RBM33: variants seen among roughly 807,000 people sequenced by gnomAD.
RBM33 encodes the protein RNA-binding protein 33.
RBM33 carries 28 observed loss-of-function variants against 132.6 expected under a neutral mutation model. The observed-to-expected ratio is 0.21, with a 90% CI of 0.16 to 0.29. The LOEUF (loss-of-function observed/expected upper bound fraction) is 0.29. Among genes scored for constraint, RBM33 ranks in the 10% least tolerant of loss-of-function variants. The pLI, the probability that RBM33 is intolerant of heterozygous loss-of-function variation, is 1.00. For missense variants in RBM33, 1,291 were observed against 1,518.5 expected, an observed-to-expected ratio of 0.85 and a Z score of 2.49; for synonymous variants, 634 against 593.0, an observed-to-expected ratio of 1.07 and a Z score of -1.01.
chr7:155,742,326 G>A (rs1461348138), intron 13 of RBM33, among the ~76,000 whole-genome samples: 1 of 148,922 alleles, frequency 6.7e-6, no homozygotes, highest in South Asian at 2.1e-4. Flanking sequence ...TACAGTTACT[G>A]TTCTGTTATA....
chr7:155,713,338 C>T (rs1220207276), intron 8 of RBM33, among the ~76,000 whole-genome samples: 1 of 152,054 alleles, frequency 6.6e-6, no homozygotes, highest in Non-Finnish European at 1.5e-5. Context: ...AGACCCTGCC[C>T]TCAAATGAGA....
At chr7:155,681,832 A>C (rs151224632) in intron 5 of RBM33, among the ~76,000 whole-genome samples, 1 of 152,202 alleles carries the variant, frequency 6.6e-6, no homozygotes, top group African/African-American at 2.4e-5. Context: ...AATTGTGGTC[A>C]TGTGTATGAG....
rs923303100 is a variant in RBM33 at position 155,685,057 on chromosome 7, T to TTG, written c.567+4151_567+4152dup. On this transcript the variant is annotated intron_variant, in intron 5 of 17. Transcript: ENST00000401878. ...GTTGCTCCTGCAACTGAAGAGGTAT[T>TTG]TGTTCATCTTTTAAAAAGAGTAAAA... 1.9e-6 allele frequency: 3 copies of TTG among 1,548,084 alleles called. No individual in the cohort carries two copies. The African/African-American group carries it at 4.1e-5, about 21-fold the overall frequency.
At position 155,775,164 on chromosome 7, in the gene RBM33, G is replaced by A. The variant is rs1384704989; in HGVS notation, c.*123G>A. The stretch of plus-strand genomic sequence containing the variant: ...CTCCGGGCCGCTGTCCTGCGTAACT[G>A]TTCTCCAGAGCGCCAGCCAGCCACG... On this transcript the variant is annotated 3_prime_UTR_variant, in exon 18 of 18. Transcript: ENST00000401878. The A allele has an allele frequency of 5.8e-6, 5 of 869,552 alleles. No individual in the cohort carries two copies. The highest frequency in any genetic ancestry group is 7.7e-6 in the Non-Finnish European group (4 of 517,106). 53.9% of individuals were successfully genotyped at this position (869,552 alleles called of 1,614,324 possible). A position where few individuals can be genotyped will look rare whatever the true frequency, so the allele number is the denominator to read the frequency against.
chr7:155,744,255 C>CTTA (rs998525461), intron 13 of RBM33, among the ~76,000 whole-genome samples: 8 of 152,160 alleles, frequency 5.3e-5, no homozygotes, highest in African/African-American at 1.7e-4. Flanking sequence ...TTTAAAAATG[C>CTTA]TTAACTTTTT....
At chr7:155,673,404 GTGTGTGTGT>G (rs1366930230) in intron 3 of RBM33, among the ~76,000 whole-genome samples, 2 of 1,788 alleles carry the variant, frequency 1.1e-3, no homozygotes, top group Non-Finnish European at 2.8e-3. Flanking sequence ...TATATATATT[GTGTGTGTGT>G]GTGTGTGTGT....
chr7:155,672,247 T>TG (rs1289284594), intron 2 of RBM33, among the ~76,000 whole-genome samples: 1 of 152,180 alleles, frequency 6.6e-6, no homozygotes, highest in East Asian at 1.9e-4. Context: ...AGATATGACT[T>TG]ACTATATTAC....
At chr7:155,728,276 G>A (rs774091252) in intron 9 of RBM33, among the ~76,000 whole-genome samples, 11 of 152,046 alleles carry the variant, frequency 7.2e-5, no homozygotes, top group Non-Finnish European at 1.3e-4. Flanking sequence ...CTTTCCCTGG[G>A]CCAGCCTCTC....
chr7:155,676,354 C>A (rs1391001212), intron 3 of RBM33, among the ~76,000 whole-genome samples: 2 of 152,182 alleles, frequency 1.3e-5, no homozygotes, highest in Non-Finnish European at 2.9e-5. Context: ...GCTTGCAGTT[C>A]CTTCTTCAGC....
chr7:155,723,313 C>T (rs988230295), intron 9 of RBM33, among the ~76,000 whole-genome samples: 1 of 152,190 alleles, frequency 6.6e-6, no homozygotes, highest in African/African-American at 2.4e-5. Context: ...GCTTGCAATG[C>T]CTTATAATTA....
chr7:155,663,638 T>A (rs1002581913), intron 1 of RBM33, among the ~76,000 whole-genome samples: 14 of 152,166 alleles, frequency 9.2e-5, no homozygotes, highest in Non-Finnish European at 1.9e-4. Flanking sequence ...TTTGCAGGGA[T>A]GTATATTCAA....
intron 1 of RBM33, among the ~76,000 whole-genome samples, chr7:155,661,097 G>GT (rs1214054155): frequency 5.0e-4 from 55 of 110,156 alleles, no homozygotes; most frequent in African/African-American, 1.9e-3. Context: ...GTGTGTGTGT[G>GT]GTGTGTGTGT....
intron 1 of RBM33, among the ~76,000 whole-genome samples, chr7:155,652,193 G>A (rs1798373750): frequency 1.3e-5 from 2 of 152,174 alleles, no homozygotes; most frequent in African/African-American, 2.4e-5. Flanking sequence ...AGAAGGTTGA[G>A]AACCTTTGGA....
At position 155,774,527 on chromosome 7, in the gene RBM33, C is replaced by G. The variant is rs1009460845; in HGVS notation, c.3376-32C>G. ...TCATATTTTTTATTGTCATTTACAA[C>G]TGATCTTAAAGTGTTTGTTTTCTTC... On this transcript the variant is annotated intron_variant, in intron 16 of 17. Coordinates refer to ENST00000401878, the MANE Select transcript of RBM33 (RefSeq NM_053043.3). This position sits in a 1 kb window ranked among gnomAD's most constrained non-coding sequence, Gnocchi z 4.2. The G allele has an allele frequency of 1.4e-6, 2 of 1,465,298 alleles. No homozygotes were observed. Among genetic ancestry groups the G allele is most frequent in the African/African-American group, 2.8e-5 (2 of 71,986 alleles). 90.8% of individuals were successfully genotyped at this position (1,465,298 alleles called of 1,614,324 possible).
chr7:155,724,727 A>G (rs1349369414), intron 9 of RBM33, among the ~76,000 whole-genome samples: 1 of 152,054 alleles, frequency 6.6e-6, no homozygotes, highest in African/African-American at 2.4e-5. Flanking sequence ...GCAACCACTG[A>G]ATGTGTCTGT....
intron 16 of RBM33, among the ~76,000 whole-genome samples, chr7:155,767,251 G>C (rs565345416): frequency 6.6e-6 from 1 of 152,368 alleles, no homozygotes; most frequent in East Asian, 1.9e-4. Flanking sequence ...CCTGGTCTCT[G>C]TAGGCTGACC....
At chr7:155,671,277 C>T (rs988433753) in intron 2 of RBM33, among the ~76,000 whole-genome samples, 2 of 152,196 alleles carry the variant, frequency 1.3e-5, no homozygotes, top group Non-Finnish European at 1.5e-5. Flanking sequence ...ATATGTTATT[C>T]TCTTATAACT....
chr7:155,730,818 A>T (rs991725318), intron 9 of RBM33, among the ~76,000 whole-genome samples: 1 of 152,210 alleles, frequency 6.6e-6, no homozygotes, highest in Non-Finnish European at 1.5e-5. Context: ...GTGCATTTAG[A>T]CAGCATGTAA....
chr7:155,667,691 C>G (rs1412268052), intron 2 of RBM33, among the ~76,000 whole-genome samples: 2 of 152,108 alleles, frequency 1.3e-5, no homozygotes, highest in Admixed American at 1.3e-4. Context: ...TGAGTGCCCA[C>G]TTCAGGAGGC....
Sources: gnomAD v4.1 joint callset for allele counts (sites outside exome capture counted in the v4.1 genomes callset) on GRCh38, gnomAD v4.1.1 for gene constraint, Gnocchi (gnomAD v3.1) non-coding constraint, MANE v1.5 for transcripts, NCBI Gene and HGNC (gene_info 2026-07-23, HGNC 2026-07-21) for gene names.